Variants in ZFP91 observed in about 807,000 individuals in gnomAD.
The protein encoded by ZFP91 is ZFP91 zinc finger protein, atypical E3 ubiquitin ligase, also known as E3 ubiquitin-protein ligase ZFP91.
ZFP91 carries 7 observed loss-of-function variants against 63.5 expected under a neutral mutation model. The observed-to-expected ratio is 0.11, with a 90% CI of 0.06 to 0.21. The LOEUF is 0.21. Ranked by LOEUF, ZFP91 falls within the 10% of genes least tolerant of loss-of-function variation. The pLI is 1.00. For synonymous variants in ZFP91, 330 were observed against 272.1 expected (o/e 1.21, Z -2.10); for missense variants, 628 against 736.6 (o/e 0.85, Z 1.71).
chr11:58,580,999 G>A (rs1197836578), intron 1 of ZFP91, among the ~76,000 whole-genome samples: 1 of 152,130 alleles, frequency 6.6e-6, no homozygotes, highest in Non-Finnish European at 1.5e-5. Context: ...AATTCCGTGA[G>A]CAAATTCCTT....
rs17854702 is a variant in ZFP91 at position 58,579,390 on chromosome 11, G to A, written c.109G>A (p.Val37Ile). Reference protein sequence around the residue: ...EEPQQRPPEAVAAAPAGTTSS... With the variant: ...EEPQQRPPEAIAAAPAGTTSS... Reference sequence around the variant, plus strand: ...GCCCCAACAACGGCCCCCTGAGGCGGTCGCGGCGGCGCCTGCAGGGACCAC... The same window carrying A: ...GCCCCAACAACGGCCCCCTGAGGCGATCGCGGCGGCGCCTGCAGGGACCAC... Residue 37 changes from valine (V) to isoleucine (I), a missense_variant, in exon 1 of 11, where the codon GTC becomes ATC. Val to Ile is a conservative substitution (Grantham distance 29). Around this residue, in one of 3 missense-constraint regions of ZFP91, gnomAD observed 437 missense variants for 380.3 expected, o/e 1.15. Coordinates refer to ENST00000316059, the MANE Select transcript of ZFP91 (RefSeq NM_053023.5). The A allele has an allele frequency of 8.8e-6, 13 of 1,478,042 alleles. No homozygotes were observed. Among genetic ancestry groups the A allele is most frequent in the South Asian group, 1.3e-5 (1 of 77,192 alleles). 91.6% of individuals were successfully genotyped at this position (1,478,042 alleles called of 1,614,324 possible).
intron 2 of ZFP91, among the ~76,000 whole-genome samples, chr11:58,607,073 G>C (rs1855580580): frequency 6.6e-6 from 1 of 152,176 alleles, no homozygotes; most frequent in Non-Finnish European, 1.5e-5. Context: ...AAAATCTACA[G>C]TATAGGAGGT....
chr11:58,579,558 G>T lies in ZFP91; in HGVS notation c.277G>T (p.Gly93Trp), dbSNP rs748033278. 2.5e-6 allele frequency: 4 copies of T among 1,584,298 alleles called. No individual in the cohort carries two copies. Among genetic ancestry groups the T allele is most frequent in the East Asian group, 2.5e-5 (1 of 40,450 alleles). The stretch of plus-strand genomic sequence containing the variant: ...CAGCGCCAGGCCTCCCGACGTCCCC[G>T]GGCAGCAGCCCCAGGCCGCGAAGTC... The part of the protein sequence containing the change: ...SPSARPPDVP[G>W]QQPQAAKSPS... Residue 93 changes from glycine (G) to tryptophan (W), a missense_variant, in exon 1 of 11, where the codon GGG becomes TGG. By Grantham distance (184) the Gly-to-Trp change is radical. This residue lies in a region of ZFP91 where 437 missense variants were observed against 380.3 expected (regional missense o/e 1.15). Coordinates refer to ENST00000316059, the MANE Select transcript of ZFP91 (RefSeq NM_053023.5).
chr11:58,615,660 G>A (rs1855738425), intron 9 of ZFP91, among the ~76,000 whole-genome samples: 1 of 152,102 alleles, frequency 6.6e-6, no homozygotes, highest in Non-Finnish European at 1.5e-5. Flanking sequence ...TTTAGACCTT[G>A]CTATATAAAG....
At chr11:58,593,962 C>T (rs1855352606) in intron 2 of ZFP91, among the ~76,000 whole-genome samples, 1 of 152,080 alleles carries the variant, frequency 6.6e-6, no homozygotes, top group Admixed American at 6.5e-5. Context: ...GTGGTATTAC[C>T]CTCTTTAAAG....
intron 1 of ZFP91, among the ~76,000 whole-genome samples, chr11:58,583,637 A>G (rs1279547024): frequency 6.6e-6 from 1 of 152,126 alleles, no homozygotes; most frequent in African/African-American, 2.4e-5. Flanking sequence ...AGTTTGTTAT[A>G]TAATTTTTCA....
chr11:58,585,188 G>A (rs1449187969), intron 2 of ZFP91, among the ~76,000 whole-genome samples: 1 of 152,056 alleles, frequency 6.6e-6, no homozygotes, highest in Non-Finnish European at 1.5e-5. Context: ...GTAAAGTGAA[G>A]GCAAAAATTT....
chr11:58,610,336 TAAAA>T lies in ZFP91; in HGVS notation c.617+7_617+10del. The T allele has an allele frequency of 6.3e-7, 1 of 1,582,968 alleles. No individual in the cohort carries two copies. The highest frequency in any genetic ancestry group is 8.5e-7 in the Non-Finnish European group (1 of 1,171,296). ...GCATCAGTCTCCAGGTGGCATTAGGTAAAAAAAACATTAATATTTCATTTTTAAA... is the reference window on the plus strand; with the variant it reads ...GCATCAGTCTCCAGGTGGCATTAGGTAAAACATTAATATTTCATTTTTAAA... On this transcript the variant is annotated splice_donor_5th_base_variant and intron_variant, in intron 4 of 10. Coordinates refer to ENST00000316059, the MANE Select transcript of ZFP91 (RefSeq NM_053023.5).
rs748612063 is a variant in ZFP91, at chr11:58,617,738, C to G, written c.*32C>G. 2.1e-6 allele frequency: 3 copies of G among 1,456,786 alleles called. No homozygotes were observed. The highest frequency in any genetic ancestry group is 5.2e-5 in the Admixed American group (2 of 38,654). 90.2% of individuals were successfully genotyped at this position (1,456,786 alleles called of 1,614,324 possible). A position where few individuals can be genotyped will look rare whatever the true frequency, so the allele number is the denominator to read the frequency against. On this transcript the variant is annotated 3_prime_UTR_variant, in exon 11 of 11. Coordinates refer to ENST00000316059, the MANE Select transcript of ZFP91 (RefSeq NM_053023.5). This position sits in a 1 kb window ranked among gnomAD's most constrained non-coding sequence, Gnocchi z 4.2. Reference sequence around the variant, plus strand: ...GGAAGACTTGGGGCATGGGACAGCTCAGACTTTGTATTTAAAAGTTAAAAA... The same window carrying G: ...GGAAGACTTGGGGCATGGGACAGCTGAGACTTTGTATTTAAAAGTTAAAAA...
chr11:58,602,845 T>C (rs970275710), intron 2 of ZFP91, among the ~76,000 whole-genome samples: 19 of 152,062 alleles, frequency 1.2e-4, no homozygotes, highest in Admixed American at 1.2e-3. Context: ...TGAGGTATGG[T>C]GCATGCCTCT....
chr11:58,583,536 C>T (rs1053425580), intron 1 of ZFP91, among the ~76,000 whole-genome samples: 4 of 151,966 alleles, frequency 2.6e-5, no homozygotes, highest in Non-Finnish European at 4.4e-5. Context: ...TTTGGAGAAG[C>T]CTTCAGTTGT....
At chr11:58,581,229 ATATTAC>A (rs5792114) in intron 1 of ZFP91, among the ~76,000 whole-genome samples, 30,110 of 151,970 alleles carry the variant, frequency 0.2, 3,151 homozygotes, top group Middle Eastern at 0.31. Flanking sequence ...TCACTCTTTA[ATATTAC>A]TATTCGTAGA....
intron 1 of ZFP91, among the ~76,000 whole-genome samples, chr11:58,582,735 A>G (rs139972853): frequency 1.1e-4 from 16 of 152,328 alleles, no homozygotes; most frequent in African/African-American, 3.8e-4. Flanking sequence ...TTGATATTTT[A>G]TGAATTTGCG....
intron 2 of ZFP91, among the ~76,000 whole-genome samples, chr11:58,589,142 G>A (rs1384389471): frequency 6.6e-6 from 1 of 152,090 alleles, no homozygotes; most frequent in Non-Finnish European, 1.5e-5. Context: ...TGTGATCATG[G>A]CCCACTGCAG....
intron 1 of ZFP91, 55 bp downstream of exon 1, chr11:58,579,677 C>T (rs899381555): frequency 1.4e-4 from 208 of 1,439,894 alleles, no homozygotes; most frequent in Middle Eastern, 4.6e-4. Flanking sequence ...CGTACGCAAC[C>T]CTCTCGGCTC....
At chr11:58,601,805 G>A (rs955777953) in intron 2 of ZFP91, among the ~76,000 whole-genome samples, 2 of 152,026 alleles carry the variant, frequency 1.3e-5, no homozygotes, top group Non-Finnish European at 2.9e-5. Context: ...GTATTTGTGA[G>A]TTTTCTAGTT....
intron 7 of ZFP91, 44 bp downstream of exon 7, chr11:58,612,372 C>A: frequency 6.3e-7 from 1 of 1,587,634 alleles, no homozygotes; most frequent in Non-Finnish European, 8.6e-7. Context: ...TATTCCAGTA[C>A]CAGGCACTTT....
intron 2 of ZFP91, among the ~76,000 whole-genome samples, chr11:58,604,781 G>T (rs1855544963): frequency 6.6e-6 from 1 of 152,124 alleles, no homozygotes; most frequent in Non-Finnish European, 1.5e-5. Flanking sequence ...TGTATTTTAT[G>T]TGTGGCCCAA....
chr11:58,609,885 C>T lies in ZFP91; in HGVS notation c.426C>T (p.Ser142=). Residue 142 remains serine, a synonymous_variant, in exon 3 of 11, where the codon TCC becomes TCT. Transcript: ENST00000316059. ...ATTCTGCCCTCCCTCAGGAAGTTTC[C>T]ATTGCTGCATCTAGACCTAGCCGGG... The part of the protein sequence containing the change: ...EDDSALPQEV[S]IAASRPSRGW... 1 of 1,614,142 alleles carries T rather than the reference C, an allele frequency of 6.2e-7. No individual in the cohort carries two copies. The highest frequency in any genetic ancestry group is 8.5e-7 in the Non-Finnish European group (1 of 1,180,026).
Sources: allele counts gnomAD v4.1 joint callset (sites outside exome capture counted in the v4.1 genomes callset), GRCh38; gene constraint gnomAD v4.1.1; regional missense constraint gnomAD v4.1.1; non-coding constraint Gnocchi (gnomAD v3.1); transcripts MANE v1.5; gene names NCBI Gene and HGNC (gene_info 2026-07-23, HGNC 2026-07-21).